Variants in CDYL2 observed in about 807,000 individuals in gnomAD.
CDYL2 encodes the protein chromodomain Y like 2.
Under a neutral mutation model 49.4 loss-of-function variants are expected in CDYL2, and 23 were observed. The observed-to-expected ratio is 0.47, with a 90% CI of 0.34 to 0.66. The LOEUF is 0.66. Among genes scored for constraint, CDYL2 ranks in the 30% least tolerant of loss-of-function variants. The pLI, the probability that CDYL2 is intolerant of heterozygous loss-of-function variation, is 0.01. For missense variants in CDYL2, 678 were observed against 656.4 expected, an observed-to-expected ratio of 1.03 and a Z score of -0.36; for synonymous variants, 360 against 268.8, an observed-to-expected ratio of 1.34 and a Z score of -3.32.
chr16:80,642,295 T>A (rs1908131588), intron 2 of CDYL2, among the ~76,000 whole-genome samples: 1 of 152,144 alleles, frequency 6.6e-6, no homozygotes, highest in South Asian at 2.1e-4. Context: ...ATGCAAAAAT[T>A]AGCTGGGCAT....
rs77050855 is a variant in CDYL2, at chr16:80,633,234, A to G, written c.619T>C (p.Ser207Pro). The change falls in exon 3 of 7, where the codon TCT becomes CCT. Residue 207 changes from serine to proline, a missense_variant and splice_region_variant. By Grantham distance (74) the Ser-to-Pro change is moderately conservative. Transcript: ENST00000570137. The part of the protein sequence containing the change: ...HATLAENGLG[S>P]ALTNGGLNLH... ...TTCAATCCCCCGTTGGTCAGAGCAGAGCCTTCCAAAACCAGATAAACAATG... is the reference window on the plus strand; with the variant it reads ...TTCAATCCCCCGTTGGTCAGAGCAGGGCCTTCCAAAACCAGATAAACAATG... The G allele has an allele frequency of 1.9e-5, 30 of 1,611,944 alleles. No homozygotes were observed. The African/African-American group carries it at 3.7e-4, about 20-fold the overall frequency.
intron 2 of CDYL2, among the ~76,000 whole-genome samples, chr16:80,660,676 G>A (rs924517649): frequency 6.6e-6 from 1 of 152,196 alleles, no homozygotes; most frequent in Non-Finnish European, 1.5e-5. Flanking sequence ...TTAAAAGACA[G>A]AGATAATCAC....
intron 1 of CDYL2, among the ~76,000 whole-genome samples, chr16:80,728,019 T>C (rs1209716341): frequency 3.3e-5 from 5 of 152,050 alleles, no homozygotes; most frequent in African/African-American, 4.8e-5. Context: ...GCAGAAAAAC[T>C]GGAAACTCTA....
Position 80,804,393 on chromosome 16 carries a change from A to AGCGGCGGCG in CDYL2, c.-229_-221dup, listed in dbSNP as rs528498874. 3.4e-5 allele frequency: 6 copies of AGCGGCGGCG among 178,626 alleles called. No individual in the cohort carries two copies. Among genetic ancestry groups the AGCGGCGGCG allele is most frequent in the Non-Finnish European group, 6.5e-5 (6 of 92,558 alleles). The allele number at this position is 178,626 out of a possible 1,614,324, so 11.1% of individuals were successfully genotyped here. A position where few individuals can be genotyped will look rare whatever the true frequency, so the allele number is the denominator to read the frequency against. On this transcript the variant is annotated 5_prime_UTR_variant, in exon 1 of 7. Coordinates refer to ENST00000570137, the MANE Select transcript of CDYL2 (RefSeq NM_152342.4). ...CGGCGGGGCTGGCGTAACCGGCAGC[A>AGCGGCGGCG]GCGGCGGCGGCGGCGGCGGCGGCAC...
intron 1 of CDYL2, among the ~76,000 whole-genome samples, chr16:80,697,435 G>C (rs1567575068): frequency 1.3e-5 from 2 of 152,016 alleles, no homozygotes; most frequent in Non-Finnish European, 2.9e-5. Flanking sequence ...CATTATAAAG[G>C]CCATATCTGA....
chr16:80,669,853 G>A (rs901208559), intron 2 of CDYL2, among the ~76,000 whole-genome samples: 1 of 152,226 alleles, frequency 6.6e-6, no homozygotes, highest in Admixed American at 6.5e-5. Flanking sequence ...TCAGCCATGA[G>A]GAGAGTGAGT....
chr16:80,661,652 T>C (rs530608190), intron 2 of CDYL2, among the ~76,000 whole-genome samples: 41 of 152,278 alleles, frequency 2.7e-4, no homozygotes, highest in African/African-American at 9.9e-4. Context: ...GCCCTCTTCA[T>C]GGTGTTGGCT....
intron 2 of CDYL2, among the ~76,000 whole-genome samples, chr16:80,669,696 A>AG (rs1909418767): frequency 6.6e-6 from 1 of 152,160 alleles, no homozygotes; most frequent in Non-Finnish European, 1.5e-5. Flanking sequence ...GGCCTCAGGC[A>AG]GGTGCCCCCA....
intron 2 of CDYL2, among the ~76,000 whole-genome samples, chr16:80,673,286 C>G (rs1245351679): frequency 2.6e-5 from 4 of 152,076 alleles, no homozygotes; most frequent in Non-Finnish European, 5.9e-5. Context: ...TGCCATTGCA[C>G]TCCAGCCTGG....
intron 1 of CDYL2, among the ~76,000 whole-genome samples, chr16:80,759,831 C>T (rs912829568): frequency 7.2e-5 from 11 of 152,132 alleles, no homozygotes; most frequent in African/African-American, 2.4e-4. Context: ...CAGGAAACTA[C>T]CAGGGGAATT....
chr16:80,687,256 T>A (rs1157531892), intron 1 of CDYL2, among the ~76,000 whole-genome samples: 1 of 152,222 alleles, frequency 6.6e-6, no homozygotes, highest in Non-Finnish European at 1.5e-5. Context: ...TGTATTCTCA[T>A]GGAAGCCTCC....
intron 1 of CDYL2, among the ~76,000 whole-genome samples, chr16:80,766,402 A>G (rs1906726389): frequency 6.6e-6 from 1 of 152,222 alleles, no homozygotes; most frequent in African/African-American, 2.4e-5. Context: ...TTTTTCACCT[A>G]AAATTTACTG....
intron 4 of CDYL2, among the ~76,000 whole-genome samples, chr16:80,617,931 G>T (rs1017443070): frequency 6.6e-6 from 1 of 152,148 alleles, no homozygotes; most frequent in South Asian, 2.1e-4. Flanking sequence ...CAAAAGATGC[G>T]CTGGCCCCAC....
intron 4 of CDYL2, 95 bp downstream of exon 4, chr16:80,620,668 G>A: frequency 8.5e-7 from 1 of 1,180,954 alleles, no homozygotes; most frequent in Middle Eastern, 2.2e-4. Flanking sequence ...TAAAATTCCT[G>A]GTTGTTTGAA....
intron 1 of CDYL2, among the ~76,000 whole-genome samples, chr16:80,775,083 A>C (rs777279895): frequency 1.4e-4 from 21 of 152,020 alleles, no homozygotes; most frequent in Non-Finnish European, 2.2e-4. Context: ...ACATATATTC[A>C]ACATAATTAC....
intron 2 of CDYL2, among the ~76,000 whole-genome samples, chr16:80,663,677 C>T (rs1909142232): frequency 6.6e-6 from 1 of 152,132 alleles, no homozygotes; most frequent in African/African-American, 2.4e-5. Context: ...ACTGCAACCT[C>T]CGCATCCTGG....
intron 1 of CDYL2, among the ~76,000 whole-genome samples, chr16:80,729,025 A>G (rs2097077766): frequency 6.6e-6 from 1 of 152,134 alleles, no homozygotes; most frequent in Non-Finnish European, 1.5e-5. Context: ...CATCGAGACT[A>G]GGAAGAAACT....
At chr16:80,675,767 A>G (rs1001580889) in intron 2 of CDYL2, among the ~76,000 whole-genome samples, 1 of 151,598 alleles carries the variant, frequency 6.6e-6, no homozygotes, top group African/African-American at 2.4e-5. Context: ...AAGTTTTATT[A>G]TTGTTTTGGA....
rs79842603 is a variant in CDYL2 at position 80,795,769 on chromosome 16, G to C, written c.24+8381C>G. 4.2e-3 allele frequency among the ~76,000 whole-genome samples: 640 copies of C among 152,298 alleles called. 2 individuals carry two copies. The highest frequency in any genetic ancestry group is 0.015 in the African/African-American group (618 of 41,568). On this transcript the variant is annotated intron_variant, in intron 1 of 6. Transcript: ENST00000570137. ...ACACCCAGGCCTGGTTGAGTTCTTA[G>C]AGTTACCAGTTCTAGTCTAAGACCC...
Sources: allele counts gnomAD v4.1 joint callset (sites outside exome capture counted in the v4.1 genomes callset), GRCh38; gene constraint gnomAD v4.1.1; transcripts MANE v1.5; gene names NCBI Gene and HGNC (gene_info 2026-07-23, HGNC 2026-07-21).